The following FAT3 variants were observed in gnomAD, a reference collection of about 807,000 sequenced individuals.
The protein encoded by FAT3 is protocadherin Fat 3.
A neutral mutation model predicts 310.2 loss-of-function variants in FAT3; 95 were observed. That is an observed-to-expected ratio of 0.31 (90% CI 0.26 to 0.36). FAT3 has a LOEUF of 0.36. Ranked by LOEUF, FAT3 falls within the 10% of genes least tolerant of loss-of-function variation. The pLI is 1.00. For missense variants in FAT3, 5,408 were observed against 5,715.6 expected, an observed-to-expected ratio of 0.95 and a Z score of 1.74; for synonymous variants, 2,314 against 2,192.9, an observed-to-expected ratio of 1.06 and a Z score of -1.54.
intron 27 of FAT3, among the ~76,000 whole-genome samples, chr11:92,890,160 G>A (rs1949883969): frequency 6.6e-6 from 1 of 152,200 alleles, no homozygotes; most frequent in Admixed American, 6.5e-5. Context: ...CATGTTGCCA[G>A]TCTGGCTCTG....
At chr11:92,349,025 A>C (rs1326529655) in intron 1 of FAT3, among the ~76,000 whole-genome samples, 2 of 152,108 alleles carry the variant, frequency 1.3e-5, no homozygotes, top group Non-Finnish European at 2.9e-5. Flanking sequence ...CAAAGTGTGA[A>C]TGAGGGGGCA....
At chr11:92,294,572 T>C (rs1041655305) in intron 1 of FAT3, among the ~76,000 whole-genome samples, 3 of 152,002 alleles carry the variant, frequency 2.0e-5, no homozygotes, top group Non-Finnish European at 2.9e-5. Context: ...GAGAGACAAG[T>C]ATAGGTGTCA....
intron 2 of FAT3, among the ~76,000 whole-genome samples, chr11:92,357,170 A>G (rs748758976): frequency 1.2e-4 from 19 of 152,198 alleles, no homozygotes; most frequent in East Asian, 7.7e-4. Context: ...ACTAATAACA[A>G]TGAGTTCATC....
intron 27 of FAT3, among the ~76,000 whole-genome samples, chr11:92,890,129 G>C (rs1949883032): frequency 6.6e-6 from 1 of 152,192 alleles, no homozygotes; most frequent in African/African-American, 2.4e-5. Context: ...CCACAGCACA[G>C]CTGATGGACC....
rs201653112 is a variant in FAT3, at chr11:92,844,010, A to T, written c.10643A>T (p.Lys3548Met). Residue 3548 changes from lysine to methionine, a missense_variant, in exon 19 of 28, where the codon AAG (lysine) becomes ATG (methionine). Lys to Met is a moderately conservative substitution (Grantham distance 95). Transcript: ENST00000525166. ...CGAGTCATTGAGGAAAGCACCCACA[A>T]GCCCACAGCCATTCCCCTGGAAATT... ...RVRVIEESTH[K>M]PTAIPLEIFI... 6.2e-7 allele frequency: 1 copy of T among 1,613,986 alleles called. No homozygotes were observed. The highest frequency in any genetic ancestry group is 2.2e-5 in the East Asian group (1 of 44,880).
chr11:92,357,888 G>A (rs1459348360), intron 2 of FAT3, among the ~76,000 whole-genome samples: 4 of 151,642 alleles, frequency 2.6e-5, no homozygotes, highest in Admixed American at 2.6e-4. Flanking sequence ...ACTTTTATTG[G>A]TCAGTCATGG....
At chr11:92,842,328 A>G (rs767060627) in intron 18 of FAT3, among the ~76,000 whole-genome samples, 8 of 152,208 alleles carry the variant, frequency 5.3e-5, no homozygotes, top group Non-Finnish European at 8.8e-5. Context: ...CTCTGGCCAC[A>G]GGTCCATTCC....
chr11:92,397,228 G>A (rs1031187254), intron 2 of FAT3, among the ~76,000 whole-genome samples: 7 of 152,042 alleles, frequency 4.6e-5, no homozygotes, highest in African/African-American at 1.4e-4. Context: ...AATTAACTGC[G>A]ATTTTTGGGG....
At chr11:92,714,905 G>C (rs1006180633) in intron 4 of FAT3, among the ~76,000 whole-genome samples, 1 of 151,914 alleles carries the variant, frequency 6.6e-6, no homozygotes, top group African/African-American at 2.4e-5. Context: ...TGAAAACCCT[G>C]GTCTCGGTTA....
chr11:92,684,949 A>C (rs932116415), intron 3 of FAT3, among the ~76,000 whole-genome samples: 1 of 152,136 alleles, frequency 6.6e-6, no homozygotes, highest in African/African-American at 2.4e-5. Flanking sequence ...AGAGTTTTGG[A>C]AGGATTAACT....
intron 3 of FAT3, among the ~76,000 whole-genome samples, chr11:92,660,424 G>T (rs917367119): frequency 2.0e-5 from 3 of 152,094 alleles, no homozygotes; most frequent in Admixed American, 1.3e-4. Context: ...TGGGGTAGGG[G>T]TGCCAGGGAT....
At chr11:92,629,754 T>C (rs749893963) in intron 3 of FAT3, among the ~76,000 whole-genome samples, 1 of 152,110 alleles carries the variant, frequency 6.6e-6, no homozygotes, top group Non-Finnish European at 1.5e-5. Context: ...TGCCTGTCTC[T>C]CCTACTATGC....
chr11:92,592,914 A>G (rs180966989), intron 3 of FAT3, among the ~76,000 whole-genome samples: 212 of 152,270 alleles, frequency 1.4e-3, no homozygotes, highest in African/African-American at 4.9e-3. Flanking sequence ...CAATCTTCAG[A>G]ACTGTTTTCA....
chr11:92,342,118 A>G (rs1260024569), intron 1 of FAT3, among the ~76,000 whole-genome samples: 4 of 152,204 alleles, frequency 2.6e-5, no homozygotes, highest in East Asian at 1.9e-4. Context: ...AACTGGTCCC[A>G]TGTGTAAACG....
intron 3 of FAT3, among the ~76,000 whole-genome samples, chr11:92,628,747 A>G (rs1280554418): frequency 6.6e-6 from 1 of 152,192 alleles, no homozygotes; most frequent in African/African-American, 2.4e-5. Context: ...TTAGCCCCAG[A>G]CAGGTTTGTA....
At chr11:92,363,784 G>A (rs1353127895) in intron 2 of FAT3, among the ~76,000 whole-genome samples, 1 of 152,060 alleles carries the variant, frequency 6.6e-6, no homozygotes, top group African/African-American at 2.4e-5. Context: ...AACTTTTCTT[G>A]GCTCTAGACT....
At chr11:92,325,555 C>T (rs562533749) in intron 1 of FAT3, among the ~76,000 whole-genome samples, 9 of 152,218 alleles carry the variant, frequency 5.9e-5, no homozygotes, top group East Asian at 1.9e-4. Context: ...CCTCATTTGA[C>T]GTGTGGCTAA....
chr11:92,599,088 C>A (rs1939872141), intron 3 of FAT3, among the ~76,000 whole-genome samples: 1 of 152,172 alleles, frequency 6.6e-6, no homozygotes. Context: ...TATTTCTCAG[C>A]CTCTCTAATG....
At chr11:92,551,807 A>T (rs565721723) in intron 3 of FAT3, among the ~76,000 whole-genome samples, 1 of 152,312 alleles carries the variant, frequency 6.6e-6, no homozygotes, top group South Asian at 2.1e-4. Flanking sequence ...CTTTAAGAAA[A>T]CAAAAACAAA....
Sources: gnomAD v4.1 joint callset for allele counts (sites outside exome capture counted in the v4.1 genomes callset) on GRCh38, gnomAD v4.1.1 for gene constraint, MANE v1.5 for transcripts, NCBI Gene and HGNC (gene_info 2026-07-23, HGNC 2026-07-21) for gene names.